The following NCAM1 variants were observed in gnomAD, a reference collection of about 807,000 sequenced individuals.
The protein encoded by NCAM1 is antigen recognized by monoclonal antibody 5.1H11.
Under a neutral mutation model 109.8 loss-of-function variants are expected in NCAM1, and 14 were observed. The ratio of observed to expected loss-of-function variants is 0.13; its 90% CI spans 0.08 to 0.20. The LOEUF is 0.20. Among genes scored for constraint, NCAM1 ranks in the 10% least tolerant of loss-of-function variants. The pLI, the probability that NCAM1 is intolerant of heterozygous loss-of-function variation, is 1.00. For missense variants in NCAM1, 774 were observed against 1,109.9 expected (o/e 0.70, Z 4.30); for synonymous variants, 418 against 442.9 (o/e 0.94, Z 0.70).
intron 8 of NCAM1, among the ~76,000 whole-genome samples, chr11:113,219,634 TAGA>T (rs1367293453): frequency 6.6e-6 from 1 of 152,144 alleles, no homozygotes; most frequent in Non-Finnish European, 1.5e-5. Flanking sequence ...GGCACAAAAG[TAGA>T]AGGTTATGTT....
chr11:113,275,353 C>T lies in NCAM1; in HGVS notation c.2543C>T (p.Ala848Val). 1 of 1,613,340 alleles carries T rather than the reference C, an allele frequency of 6.2e-7. No homozygotes were observed. The highest frequency in any genetic ancestry group is 1.1e-5 in the South Asian group (1 of 90,956). ...GAAGTCAAGACGGTCCCCAATGACGCCACACAGACAAAGGAGAACGAGAGC... is the reference window on the plus strand; with the variant it reads ...GAAGTCAAGACGGTCCCCAATGACGTCACACAGACAAAGGAGAACGAGAGC... ...PAEVKTVPND[A>V]TQTKENESKA Residue 848 changes from alanine to valine, a missense_variant, in exon 20 of 20, where the codon GCC becomes GTC. Transcript: ENST00000316851.
chr11:113,076,048 A>C (rs1413046271), intron 1 of NCAM1, among the ~76,000 whole-genome samples: 1 of 152,202 alleles, frequency 6.6e-6, no homozygotes, highest in Non-Finnish European at 1.5e-5. Flanking sequence ...TCAAAGAAAA[A>C]GGCCTGATGT....
intron 7 of NCAM1, among the ~76,000 whole-genome samples, chr11:113,213,038 A>T (rs1213009231): frequency 6.6e-6 from 1 of 152,248 alleles, no homozygotes. Context: ...GGATGATTTT[A>T]TGTAGAAGCA....
intron 1 of NCAM1, among the ~76,000 whole-genome samples, chr11:113,135,207 G>T (rs549788599): frequency 6.6e-6 from 1 of 152,234 alleles, no homozygotes; most frequent in South Asian, 2.1e-4. Flanking sequence ...GATTTTCTCT[G>T]GGAACAGCTT....
chr11:113,271,635 T>C (rs900624969), intron 18 of NCAM1, 125 bp from the exon 19 acceptor site: 94 of 622,500 alleles, frequency 1.5e-4, no homozygotes, highest in Admixed American at 3.0e-4. Context: ...CTGAGACTTA[T>C]ACATTTGAAT....
intron 1 of NCAM1, among the ~76,000 whole-genome samples, chr11:112,969,558 C>G (rs776560314): frequency 3.9e-5 from 6 of 151,988 alleles, no homozygotes; most frequent in Admixed American, 6.5e-5. Flanking sequence ...AAGTTGCTGT[C>G]GTTCTGAGCC....
At chr11:113,157,146 C>T (rs1565468976) in intron 1 of NCAM1, among the ~76,000 whole-genome samples, 1 of 151,836 alleles carries the variant, frequency 6.6e-6, no homozygotes, top group Non-Finnish European at 1.5e-5. Flanking sequence ...GACACACACA[C>T]ACACACACAC....
chr11:112,998,864 C>A (rs1281792190), intron 1 of NCAM1, among the ~76,000 whole-genome samples: 3 of 152,082 alleles, frequency 2.0e-5, no homozygotes, highest in Non-Finnish European at 2.9e-5. Flanking sequence ...GTTTTTTGAA[C>A]TTTTGGATTC....
intron 1 of NCAM1, among the ~76,000 whole-genome samples, chr11:113,024,233 C>T (rs1352675413): frequency 6.6e-6 from 1 of 152,172 alleles, no homozygotes; most frequent in African/African-American, 2.4e-5. Flanking sequence ...GGAAGGTCTG[C>T]GGTGATGTGT....
intron 1 of NCAM1, among the ~76,000 whole-genome samples, chr11:113,146,117 A>C (rs1217553672): frequency 6.6e-6 from 1 of 152,238 alleles, no homozygotes; most frequent in African/African-American, 2.4e-5. Context: ...GAGTACGAGA[A>C]GAGATATTAA....
intron 1 of NCAM1, among the ~76,000 whole-genome samples, chr11:113,132,349 C>G (rs1279238318): frequency 1.3e-5 from 2 of 152,162 alleles, no homozygotes; most frequent in African/African-American, 4.8e-5. Flanking sequence ...GCAAATTTGC[C>G]TCTTTAACTA....
intron 17 of NCAM1, chr11:113,262,744 C>A: frequency 7.8e-7 from 1 of 1,289,922 alleles, no homozygotes; most frequent in Non-Finnish European, 1.1e-6. Flanking sequence ...CTGTGTCTGT[C>A]GTCACACTTG....
intron 19 of NCAM1, 112 bp downstream of exon 19, chr11:113,271,988 A>C: frequency 1.4e-6 from 1 of 718,688 alleles, no homozygotes; most frequent in East Asian, 2.9e-5. Context: ...CAAACAGTTC[A>C]GGCCAGGATT....
intron 1 of NCAM1, among the ~76,000 whole-genome samples, chr11:112,989,812 A>C (rs541273371): frequency 5.9e-5 from 9 of 152,268 alleles, no homozygotes; most frequent in Admixed American, 5.9e-4. Context: ...AAAGCCAGTA[A>C]ATTTTTATTC....
At position 113,070,008 on chromosome 11, in the gene NCAM1, G is replaced by A. The variant is rs1555085009; in HGVS notation, c.52+108344G>A. 2.0e-5 allele frequency among the ~76,000 whole-genome samples: 3 copies of A among 152,136 alleles called. 1 individual carries two copies. Among genetic ancestry groups the A allele is most frequent in the South Asian group, 4.2e-4 (2 of 4,810 alleles). ...AAATACGGCCCTGGCACTCCCACAA[G>A]CTCTGGGTTGGAGATGTGAATACAG... On this transcript the variant is annotated intron_variant, in intron 1 of 19. Transcript: ENST00000316851.
chr11:113,116,782 A>G (rs1591339571), intron 1 of NCAM1, among the ~76,000 whole-genome samples: 1 of 151,626 alleles, frequency 6.6e-6, no homozygotes, highest in Non-Finnish European at 1.5e-5. Context: ...GGCTCTTTCT[A>G]TGTCCTTTCT....
chr11:112,994,874 C>G (rs782137589), intron 1 of NCAM1, among the ~76,000 whole-genome samples: 4 of 152,070 alleles, frequency 2.6e-5, no homozygotes, highest in Non-Finnish European at 4.4e-5. Flanking sequence ...CTTCCATTCT[C>G]TGCTTGTGTG....
intron 1 of NCAM1, among the ~76,000 whole-genome samples, chr11:113,171,904 G>A (rs149628959): frequency 4.7e-4 from 72 of 152,206 alleles, no homozygotes; most frequent in Non-Finnish European, 7.1e-4. Context: ...GAATAGGATC[G>A]GCCCTATCCA....
At chr11:113,263,871 T>C in intron 17 of NCAM1, 7 of 985,544 alleles carry the variant, frequency 7.1e-6, no homozygotes, top group Non-Finnish European at 8.4e-6. Flanking sequence ...ACTCCCAGAC[T>C]GCCCAGCCCA....
Sources: gnomAD v4.1 joint callset for allele counts (sites outside exome capture counted in the v4.1 genomes callset) on GRCh38, gnomAD v4.1.1 for gene constraint, MANE v1.5 for transcripts, NCBI Gene and HGNC (gene_info 2026-07-23, HGNC 2026-07-21) for gene names.